Variants in IGF2R observed in about 807,000 individuals in gnomAD.
IGF2R encodes the protein insulin like growth factor 2 receptor, also known as cation-independent mannose-6-phosphate receptor.
IGF2R carries 91 observed loss-of-function variants against 270.6 expected under a neutral mutation model. The observed-to-expected ratio is 0.34, with a 90% CI of 0.28 to 0.40. IGF2R has a LOEUF of 0.40. Among genes scored for constraint, IGF2R ranks in the 10% least tolerant of loss-of-function variants. IGF2R has a pLI of 1.00. For synonymous variants in IGF2R, 1,316 were observed against 1,258.9 expected (o/e 1.05, Z -0.96); for missense variants, 2,805 against 3,188.3 (o/e 0.88, Z 2.90).
In IGF2R at chr6:160,050,108, T is replaced by C. The variant is rs1562357598; in HGVS notation, c.2515-365T>C. Among the ~76,000 whole-genome samples, 1 of 152,222 alleles carries C rather than the reference T, an allele frequency of 6.6e-6. No homozygotes were observed. Among genetic ancestry groups the C allele is most frequent in the Non-Finnish European group, 1.5e-5 (1 of 68,046 alleles). On this transcript the variant is annotated intron_variant, in intron 18 of 47. Coordinates refer to ENST00000356956, the MANE Select transcript of IGF2R (RefSeq NM_000876.4). This position sits in a 1 kb window ranked among gnomAD's most constrained non-coding sequence, Gnocchi z 4.0. ...GTTAGTGTCAGCCGTTCCACCGGAA[T>C]TCAGGATCTGAAGAACATCTTACAC...
intron 1 of IGF2R, among the ~76,000 whole-genome samples, chr6:159,989,680 C>G (rs948504160): frequency 6.6e-6 from 1 of 152,212 alleles, no homozygotes; most frequent in Admixed American, 6.5e-5. Context: ...GATCCTCTGG[C>G]CTTCGCCTCC....
rs1305976058 is a variant in IGF2R at position 159,969,339 on chromosome 6, C to T, written c.93C>T (p.Leu31=). 8 of 1,313,954 alleles carry T rather than the reference C, an allele frequency of 6.1e-6. No individual in the cohort carries two copies. The highest frequency in any genetic ancestry group is 7.8e-6 in the Non-Finnish European group (8 of 1,027,526). 81.4% of individuals were successfully genotyped at this position (1,313,954 alleles called of 1,614,324 possible). The part of the protein sequence containing the change: ...RSLLLLQLLL[L]VAAPGSTQAQ... ...TGCTCCTGCTGCAGCTGCTGCTGCT[C>T]GTCGCTGCCCCGGGGTCCACGCAGG... Residue 31 remains leucine, a synonymous_variant, in exon 1 of 48, where the codon CTC becomes CTT. Coordinates refer to ENST00000356956, the MANE Select transcript of IGF2R (RefSeq NM_000876.4).
chr6:160,040,699 C>G lies in IGF2R; in HGVS notation c.1455C>G (p.Asp485Glu). ...CCACCGACGGGAAGAAGCGCTATGA[C>G]CTGTCCGCGCTGGTCCGCCATGCAG... ...CGATDGKKRY[D>E]LSALVRHAEP... Residue 485 changes from aspartate (D) to glutamate (E), a missense_variant, in exon 11 of 48, where the codon GAC (aspartate) becomes GAG (glutamate). By Grantham distance (45) the Asp-to-Glu change is conservative. This residue lies in a region of IGF2R where 954 missense variants were observed against 981.1 expected (regional missense o/e 0.97). Coordinates refer to ENST00000356956, the MANE Select transcript of IGF2R (RefSeq NM_000876.4). 1 of 1,614,172 alleles carries G rather than the reference C, an allele frequency of 6.2e-7. No individual in the cohort carries two copies. The highest frequency in any genetic ancestry group is 8.5e-7 in the Non-Finnish European group (1 of 1,180,028).
chr6:160,079,882 G>C, intron 38 of IGF2R, 95 bp downstream of exon 38: 2 of 1,159,336 alleles, frequency 1.7e-6, no homozygotes, highest in Non-Finnish European at 1.2e-6. Flanking sequence ...GGAGCTCCAC[G>C]GTCCTATGAG....
Position 160,020,560 on chromosome 6 carries a change from A to C in IGF2R, c.514-4012A>C, listed in dbSNP as rs1287267501. On this transcript the variant is annotated intron_variant, in intron 4 of 47. Coordinates refer to ENST00000356956, the MANE Select transcript of IGF2R (RefSeq NM_000876.4). The stretch of plus-strand genomic sequence containing the variant: ...CCTACAGATTTTACTGGAGGGCTAT[A>C]GTAATCAAAACAGCTAGTACTGATA... Among the ~76,000 whole-genome samples the C allele has an allele frequency of 2.0e-5, 3 of 152,380 alleles. No homozygotes were observed. The East Asian group carries it at 5.8e-4, about 29-fold the overall frequency.
chr6:160,088,583 G>A (rs1779145951), intron 42 of IGF2R, among the ~76,000 whole-genome samples: 1 of 152,212 alleles, frequency 6.6e-6, no homozygotes. Flanking sequence ...GTGCCAGGGA[G>A]AGCTTGGCCA....
At position 160,050,553 on chromosome 6, in the gene IGF2R, C is replaced by T. The variant is rs1778172049; in HGVS notation, c.2595C>T (p.Leu865=). Residue 865 remains leucine (L), a synonymous_variant, in exon 19 of 48, where the codon CTC becomes CTT. Coordinates refer to ENST00000356956, the MANE Select transcript of IGF2R (RefSeq NM_000876.4). This position sits in a 1 kb window ranked among gnomAD's most constrained non-coding sequence, Gnocchi z 4.0. ...CGGTGGTTGAGGACAGCGGCAGCCT[C>T]CTTCTGGAATACGTGAATGGGTCGG... ...TGPVVEDSGS[L]LLEYVNGSAC... is the part of the protein sequence containing the mutation. 2 of 1,614,014 alleles carry T rather than the reference C, an allele frequency of 1.2e-6. No individual in the cohort carries two copies. The highest frequency in any genetic ancestry group is 1.7e-5 in the Admixed American group (1 of 59,996).
At chr6:159,974,620 A>AT (rs375911398) in intron 1 of IGF2R, among the ~76,000 whole-genome samples, 127 of 152,198 alleles carry the variant, frequency 8.3e-4, no homozygotes, top group African/African-American at 2.8e-3. Context: ...GACCTGGGTA[A>AT]TTTTTTGTTT....
intron 47 of IGF2R, among the ~76,000 whole-genome samples, chr6:160,104,124 G>A (rs1779557562): frequency 6.6e-6 from 1 of 151,976 alleles, no homozygotes; most frequent in African/African-American, 2.4e-5. Flanking sequence ...GAAGATAGTT[G>A]TGCATGTAGC....
At chr6:159,981,335 C>G (rs893340280) in intron 1 of IGF2R, among the ~76,000 whole-genome samples, 1 of 151,482 alleles carries the variant, frequency 6.6e-6, no homozygotes, top group East Asian at 1.9e-4. Flanking sequence ...GTGTGTGTGT[C>G]TGAGTGTGTG....
chr6:160,076,223 A>G (rs1025680709), intron 36 of IGF2R, among the ~76,000 whole-genome samples: 3 of 152,374 alleles, frequency 2.0e-5, no homozygotes, highest in Admixed American at 6.5e-5. Flanking sequence ...ATTTAAAAAC[A>G]TAGAACACAA....
chr6:160,040,820 A>T (rs1035484751), intron 11 of IGF2R, 96 bp downstream of exon 11: 1 of 1,315,832 alleles, frequency 7.6e-7, no homozygotes, highest in Non-Finnish European at 1.1e-6. Context: ...TTTCTTTGTC[A>T]GTGGGTTGCG....
chr6:160,046,452 T>G, intron 14 of IGF2R, 46 bp from the exon 15 acceptor site: 1 of 1,567,564 alleles, frequency 6.4e-7, no homozygotes, highest in Non-Finnish European at 8.6e-7. Context: ...CTCTGTTAAC[T>G]GTCGGACTGA....
chr6:160,100,560 C>G (rs899927633), intron 45 of IGF2R, among the ~76,000 whole-genome samples: 7 of 151,768 alleles, frequency 4.6e-5, no homozygotes, highest in Non-Finnish European at 1.0e-4. Context: ...AAGAGTAAAG[C>G]TTTTTTTGGA....
intron 29 of IGF2R, among the ~76,000 whole-genome samples, chr6:160,067,046 G>A (rs970809988): frequency 3.3e-5 from 5 of 152,198 alleles, no homozygotes; most frequent in African/African-American, 1.2e-4. Context: ...TGTCGCTCTT[G>A]CTGAAACCTT....
intron 37 of IGF2R, among the ~76,000 whole-genome samples, chr6:160,079,185 A>G (rs1049348557): frequency 2.6e-5 from 4 of 152,190 alleles, no homozygotes; most frequent in Non-Finnish European, 5.9e-5. Flanking sequence ...AGTCAGGTCC[A>G]TGCTTCAGCG....
intron 4 of IGF2R, among the ~76,000 whole-genome samples, chr6:160,014,901 T>C (rs1343365645): frequency 6.6e-6 from 1 of 152,244 alleles, no homozygotes; most frequent in African/African-American, 2.4e-5. Flanking sequence ...CTCTGAGCAC[T>C]AGAGGTTCTA....
chr6:160,063,444 C>T lies in IGF2R; in HGVS notation c.3700C>T (p.His1234Tyr), dbSNP rs1374442835. 5.6e-6 allele frequency: 9 copies of T among 1,612,686 alleles called. No individual in the cohort carries two copies. The East Asian group carries it at 2.0e-4, about 36-fold the overall frequency. The change falls in exon 27 of 48, where the codon CAT (histidine) becomes TAT (tyrosine). Residue 1234 changes from histidine to tyrosine, a missense_variant. Around this residue, in one of 2 missense-constraint regions of IGF2R, gnomAD observed 1,851 missense variants for 2,207.2 expected, o/e 0.84. Coordinates refer to ENST00000356956, the MANE Select transcript of IGF2R (RefSeq NM_000876.4). ...CAACTGTGAGGTGAAAGACCCAAGG[C>T]ATGGCAACTTGTATGACCTGAAGCC... ...GDNCEVKDPR[H>Y]GNLYDLKPLG...
chr6:160,018,748 G>T (rs9365123), intron 4 of IGF2R, among the ~76,000 whole-genome samples: 1 of 151,762 alleles, frequency 6.6e-6, no homozygotes, highest in Non-Finnish European at 1.5e-5. Flanking sequence ...AGTTAAGATG[G>T]AAATTAAAAA....
Sources: allele counts gnomAD v4.1 joint callset (sites outside exome capture counted in the v4.1 genomes callset), GRCh38; gene constraint gnomAD v4.1.1; regional missense constraint gnomAD v4.1.1; non-coding constraint Gnocchi (gnomAD v3.1); transcripts MANE v1.5; gene names NCBI Gene and HGNC (gene_info 2026-07-23, HGNC 2026-07-21).